The following MGAT5B variants were observed in gnomAD, a reference collection of about 807,000 sequenced individuals.
MGAT5B encodes the protein alpha-1,6-mannosylglycoprotein 6-beta-N-acetylglucosaminyltransferase B, also known as N-acetylglucosaminyl-transferase Vb.
In MGAT5B, 54 loss-of-function variants were observed where a neutral mutation model predicts 95.1. That is an observed-to-expected ratio of 0.57 (90% CI 0.46 to 0.71). MGAT5B has a LOEUF of 0.71. Among genes scored for constraint, MGAT5B ranks in the 30% least tolerant of loss-of-function variants. MGAT5B has a pLI of 0.00. For missense variants in MGAT5B, 935 were observed against 1,088.6 expected (o/e 0.86, Z 1.99); for synonymous variants, 464 against 451.0 (o/e 1.03, Z -0.36).
At position 76,882,154 on chromosome 17, in the gene MGAT5B, T is replaced by A; in HGVS notation, c.185T>A (p.Met62Lys). ...CATACCCACACTCTGCCCACAGTGA[T>A]GGGGGGCCCCGAGTCCCGCGGCGTC... Reference protein sequence around the residue: ...DSPFTIRTEVMGGPESRGVLR... With the variant: ...DSPFTIRTEVKGGPESRGVLR... The change falls in exon 3 of 18, where the codon ATG becomes AAG. Residue 62 changes from methionine to lysine, a missense_variant. Met to Lys is a moderately conservative substitution (Grantham distance 95). Around this residue, in one of 4 missense-constraint regions of MGAT5B, gnomAD observed 243 missense variants for 228.2 expected, o/e 1.06. Coordinates refer to ENST00000569840, the MANE Select transcript of MGAT5B (RefSeq NM_001199172.2). 1 of 1,609,398 alleles carries A rather than the reference T, an allele frequency of 6.2e-7. No homozygotes were observed. The highest frequency in any genetic ancestry group is 8.5e-7 in the Non-Finnish European group (1 of 1,177,384).
rs139584269 is a variant in MGAT5B at position 76,892,651 on chromosome 17, C to T, written c.330-9904C>T. On this transcript the variant is annotated intron_variant, in intron 3 of 17. Coordinates refer to ENST00000569840, the MANE Select transcript of MGAT5B (RefSeq NM_001199172.2). ...ATGGATGAAAATCAGCCAAGGGGAG[C>T]GGCGCACGGGCGGGGCAGAGCCCTG... 4.0e-3 allele frequency among the ~76,000 whole-genome samples: 602 copies of T among 152,356 alleles called. 3 individuals carry two copies. Among genetic ancestry groups the T allele is most frequent in the Non-Finnish European group, 7.7e-3 (523 of 68,012 alleles).
At chr17:76,941,769 G>C (rs1969868266) in intron 15 of MGAT5B, among the ~76,000 whole-genome samples, 1 of 152,238 alleles carries the variant, frequency 6.6e-6, no homozygotes, top group African/African-American at 2.4e-5. Context: ...TTATTTGGGA[G>C]GCAACCCCAG....
chr17:76,946,448 C>T lies in MGAT5B; in HGVS notation c.1921C>T (p.Gln641Ter). 1 of 1,587,142 alleles carries T rather than the reference C, an allele frequency of 6.3e-7. No homozygotes were observed. The highest frequency in any genetic ancestry group is 8.6e-7 in the Non-Finnish European group (1 of 1,166,198). ...GCGGATCCACGCCTACATCCAGCAC[C>T]AGGTCAGTGAGCCCTCTGGTCCCTG... The part of the protein sequence containing the change: ...LERIHAYIQH[Q>*]DFCRAPDPAL... Residue 641 changes from glutamine (Q) to a stop codon, truncating the protein, a stop_gained and splice_region_variant, in exon 16 of 18, where the codon CAG becomes TAG. Coordinates refer to ENST00000569840, the MANE Select transcript of MGAT5B (RefSeq NM_001199172.2). LOFTEE classifies it high-confidence loss of function.
At chr17:76,910,977 C>T (rs1598948168) in intron 8 of MGAT5B, among the ~76,000 whole-genome samples, 1 of 152,354 alleles carries the variant, frequency 6.6e-6, no homozygotes, top group South Asian at 2.1e-4. Flanking sequence ...CAAAACCACC[C>T]TCCCCAGGAG....
At chr17:76,903,233 C>T (rs145452755) in intron 4 of MGAT5B, 70 bp from the exon 5 acceptor site, 24,529 of 1,243,400 alleles carry the variant, frequency 0.02, 283 homozygotes, top group Non-Finnish European at 0.024. Context: ...AGCTGCCTCC[C>T]GCACGCAGGC....
chr17:76,886,841 C>T (rs1321943476), intron 3 of MGAT5B, among the ~76,000 whole-genome samples: 5 of 152,026 alleles, frequency 3.3e-5, no homozygotes, highest in Non-Finnish European at 7.4e-5. Flanking sequence ...GTCAGGAGTT[C>T]GAGACCAGCC....
rs1211534523 is a variant in MGAT5B, at chr17:76,938,307, TGTG to T, written c.1584+166_1584+168del. ...TCTGGCCAGAGCCCAGGGGCAGAGA[TGTG>T]GGTGCCCACCAGGCAGGAGAGGTCC... On this transcript the variant is annotated intron_variant, in intron 13 of 17. Coordinates refer to ENST00000569840, the MANE Select transcript of MGAT5B (RefSeq NM_001199172.2). The surrounding 1 kb of genome is among the most constrained non-coding windows in gnomAD (Gnocchi z 4.3). Among the ~76,000 whole-genome samples the T allele has an allele frequency of 6.6e-6, 1 of 152,202 alleles. No individual in the cohort carries two copies.
rs1398000888 is a variant in MGAT5B at position 76,905,988 on chromosome 17, C to G, written c.856-30C>G. 5 of 1,572,786 alleles carry G rather than the reference C, an allele frequency of 3.2e-6. No homozygotes were observed. The South Asian group carries it at 5.8e-5, about 18-fold the overall frequency. On this transcript the variant is annotated intron_variant, in intron 7 of 17. Coordinates refer to ENST00000569840, the MANE Select transcript of MGAT5B (RefSeq NM_001199172.2). The surrounding 1 kb of genome is among the most constrained non-coding windows in gnomAD (Gnocchi z 4.2). ...CGGGGCTCAGAGCTGCTGCTCCTCT[C>G]TGCTGACCCTCTGTGTTCCGCCCAC...
chr17:76,903,055 A>G (rs1968378381), intron 4 of MGAT5B, among the ~76,000 whole-genome samples: 1 of 152,120 alleles, frequency 6.6e-6, no homozygotes. Context: ...TGGGTGCATG[A>G]GGTCTGCCCA....
At chr17:76,927,706 C>A (rs1370346730) in intron 10 of MGAT5B, among the ~76,000 whole-genome samples, 2 of 152,244 alleles carry the variant, frequency 1.3e-5, no homozygotes, top group Non-Finnish European at 1.5e-5. Flanking sequence ...TGCGGAGCTG[C>A]GTCCCCTCCT....
intron 3 of MGAT5B, among the ~76,000 whole-genome samples, chr17:76,890,961 C>CTT (rs150133278): frequency 1.8e-4 from 20 of 111,634 alleles, no homozygotes; most frequent in East Asian, 5.4e-4. Flanking sequence ...CTCTGGGGGC[C>CTT]TTTTTTTTTT....
chr17:76,894,197 C>T (rs1211406664), intron 3 of MGAT5B, among the ~76,000 whole-genome samples: 2 of 152,228 alleles, frequency 1.3e-5, no homozygotes, highest in African/African-American at 4.8e-5. Flanking sequence ...AGCTGTCCGT[C>T]TCCAGCCATG....
At chr17:76,873,835 T>C (rs1317228838) in intron 2 of MGAT5B, among the ~76,000 whole-genome samples, 1 of 152,222 alleles carries the variant, frequency 6.6e-6, no homozygotes, top group African/African-American at 2.4e-5. Context: ...GAGGGTTGGC[T>C]CTGTGAGATT....
chr17:76,925,009 A>G lies in MGAT5B; in HGVS notation c.1069A>G (p.Met357Val). 6.2e-7 allele frequency: 1 copy of G among 1,610,528 alleles called. No individual in the cohort carries two copies. Reference sequence around the variant, plus strand: ...AGGCCGGGGAAGCTGCCCGCTCACCATGCCCCTGCCCTTCGACCTCATCTA... The same window carrying G: ...AGGCCGGGGAAGCTGCCCGCTCACCGTGCCCCTGCCCTTCGACCTCATCTA... ...PPGRGSCPLTMPLPFDLIYTD... is the reference protein window; with the variant it reads ...PPGRGSCPLTVPLPFDLIYTD... Residue 357 changes from methionine to valine, a missense_variant, in exon 9 of 18, where the codon ATG becomes GTG. Met to Val is a conservative substitution (Grantham distance 21). Transcript: ENST00000569840.
intron 13 of MGAT5B, among the ~76,000 whole-genome samples, chr17:76,939,029 G>GGGGGGTGTGT (rs1237086611): frequency 2.8e-4 from 36 of 128,256 alleles, no homozygotes; most frequent in East Asian, 1.6e-3. Flanking sequence ...GCATCTTGGG[G>GGGGGGTGTGT]GTGTGTGTGT....
intron 8 of MGAT5B, among the ~76,000 whole-genome samples, chr17:76,908,337 C>T (rs1199938925): frequency 1.4e-5 from 2 of 145,082 alleles, no homozygotes; most frequent in East Asian, 4.2e-4. Context: ...TGCAGTGGCA[C>T]AATCATGGCT....
At chr17:76,942,928 A>AGG (rs1446557702) in intron 15 of MGAT5B, among the ~76,000 whole-genome samples, 1 of 152,034 alleles carries the variant, frequency 6.6e-6, no homozygotes, top group African/African-American at 2.4e-5. Context: ...AAGGCTGGGG[A>AGG]GGGGGACTAC....
chr17:76,872,829 C>T, intron 1 of MGAT5B, 22 bp from the exon 2 acceptor site: 2 of 1,614,236 alleles, frequency 1.2e-6, no homozygotes, highest in Non-Finnish European at 1.7e-6. Flanking sequence ...GCCCTCCTGA[C>T]CCGCCTCCTT....
chr17:76,915,539 A>G lies in MGAT5B; in HGVS notation c.1025+9352A>G, dbSNP rs1330448920. On this transcript the variant is annotated intron_variant, in intron 8 of 17. Coordinates refer to ENST00000569840, the MANE Select transcript of MGAT5B (RefSeq NM_001199172.2). The surrounding 1 kb of genome is among the most constrained non-coding windows in gnomAD (Gnocchi z 8.7). ...GAAACAAACAGGATTCGAACCAAAT[A>G]TGGCAAAATGTTAAGGCTTGATGAG... Among the ~76,000 whole-genome samples, 1 of 152,196 alleles carries G rather than the reference A, an allele frequency of 6.6e-6. No individual in the cohort carries two copies. Among genetic ancestry groups the G allele is most frequent in the Non-Finnish European group, 1.5e-5 (1 of 68,038 alleles).
Sources: allele counts gnomAD v4.1 joint callset (sites outside exome capture counted in the v4.1 genomes callset), GRCh38; gene constraint gnomAD v4.1.1; regional missense constraint gnomAD v4.1.1; non-coding constraint Gnocchi (gnomAD v3.1); transcripts MANE v1.5; gene names NCBI Gene and HGNC (gene_info 2026-07-23, HGNC 2026-07-21).